The following PITX3 variants were observed in gnomAD, a reference collection of about 807,000 sequenced individuals.
PITX3 encodes the protein pituitary homeobox 3.
In PITX3, 4 loss-of-function variants were observed where a neutral mutation model predicts 14.2. That is an observed-to-expected ratio of 0.28 (90% CI 0.14 to 0.65). PITX3 has a LOEUF of 0.65. Among genes scored for constraint, PITX3 ranks in the 30% least tolerant of loss-of-function variants. The pLI, the probability that PITX3 is intolerant of heterozygous loss-of-function variation, is 0.82. For synonymous variants in PITX3, 194 were observed against 204.5 expected, an observed-to-expected ratio of 0.95 and a Z score of 0.44; for missense variants, 358 against 426.8, an observed-to-expected ratio of 0.84 and a Z score of 1.42.
chr10:102,237,433 C>T (rs142836049), intron 1 of PITX3, among the ~76,000 whole-genome samples: 1 of 152,012 alleles, frequency 6.6e-6, no homozygotes, highest in East Asian at 1.9e-4. Flanking sequence ...GTGTAGGCCA[C>T]GGGAGATCTG....
At position 102,230,852 on chromosome 10, in the gene PITX3, G is replaced by A; in HGVS notation, c.571C>T (p.Pro191Ser). 6.3e-7 allele frequency: 1 copy of A among 1,595,976 alleles called. No individual in the cohort carries two copies. The highest frequency in any genetic ancestry group is 1.1e-5 in the South Asian group (1 of 88,700). ...PLASQPVFSP[P>S]SSIAASMVPS... Reference sequence around the variant, plus strand: ...ACCATGGAGGCGGCGATGGAGCTGGGTGGCGAGAAGACGGGCTGCGAAGCC... The same window carrying A: ...ACCATGGAGGCGGCGATGGAGCTGGATGGCGAGAAGACGGGCTGCGAAGCC... The change falls in exon 4 of 4, where the codon CCC becomes TCC. Residue 191 changes from proline (P) to serine (S), a missense_variant. This residue lies in a region of PITX3 where 236 missense variants were observed against 250.2 expected (regional missense o/e 0.94). Transcript: ENST00000370002.
intron 1 of PITX3, among the ~76,000 whole-genome samples, chr10:102,238,503 G>A (rs2070458979): frequency 1.3e-5 from 2 of 152,204 alleles, no homozygotes; most frequent in African/African-American, 2.4e-5. Context: ...TGAAGTCCAC[G>A]ATAGGGTGGC....
Position 102,241,185 on chromosome 10 carries a change from C to T in PITX3, c.-13+148G>A, listed in dbSNP as rs1017537974. The T allele has an allele frequency of 6.5e-6, 1 of 152,744 alleles. No individual in the cohort carries two copies. Among genetic ancestry groups the T allele is most frequent in the Non-Finnish European group, 1.5e-5 (1 of 68,412 alleles). 9.5% of individuals were successfully genotyped at this position (152,744 alleles called of 1,614,324 possible). On this transcript the variant is annotated intron_variant, in intron 1 of 3. Coordinates refer to ENST00000370002, the MANE Select transcript of PITX3 (RefSeq NM_005029.4). This position sits in a 1 kb window ranked among gnomAD's most constrained non-coding sequence, Gnocchi z 6.7. ...AGTTTCCCTTTTCCCAAGTCCTGGC[C>T]CCAGGTCTGCAGTCCGCCCTCCCAT...
rs2070198464 is a variant in PITX3, at chr10:102,230,303, G to T, written c.*211C>A. The T allele has an allele frequency of 4.8e-6, 3 of 622,782 alleles. No individual in the cohort carries two copies. Among genetic ancestry groups the T allele is most frequent in the Admixed American group, 3.5e-5 (1 of 28,284 alleles). 38.6% of individuals were successfully genotyped at this position (622,782 alleles called of 1,614,324 possible). Reference sequence around the variant, plus strand: ...CCCGGGGAGCTGGTCCCTGTTCCTGGCTTTAGTCCCAGGGGCGCGGTCTGT... The same window carrying T: ...CCCGGGGAGCTGGTCCCTGTTCCTGTCTTTAGTCCCAGGGGCGCGGTCTGT... On this transcript the variant is annotated 3_prime_UTR_variant, in exon 4 of 4. Transcript: ENST00000370002.
At chr10:102,240,600 C>T (rs1480056663) in intron 1 of PITX3, among the ~76,000 whole-genome samples, 1 of 152,252 alleles carries the variant, frequency 6.6e-6, no homozygotes, top group Non-Finnish European at 1.5e-5. Context: ...CCAGACACAA[C>T]TCCCGCTCCG....
At position 102,230,268 on chromosome 10, in the gene PITX3, T is replaced by G; in HGVS notation, c.*246A>C. ...TGGAGAAGGCGGGATGGGCCAAGGG[T>G]GAGTTGGCCCCCGGGGAGCTGGTCC... On this transcript the variant is annotated 3_prime_UTR_variant, in exon 4 of 4. Coordinates refer to ENST00000370002, the MANE Select transcript of PITX3 (RefSeq NM_005029.4). The G allele has an allele frequency of 4.0e-6, 2 of 493,922 alleles. No individual in the cohort carries two copies. The highest frequency in any genetic ancestry group is 7.0e-5 in the South Asian group (2 of 28,512). The allele number at this position is 493,922 out of a possible 1,614,324, so 30.6% of individuals were successfully genotyped here.
chr10:102,237,564 C>T (rs745728005), intron 1 of PITX3, among the ~76,000 whole-genome samples: 38 of 152,182 alleles, frequency 2.5e-4, no homozygotes, highest in Non-Finnish European at 5.0e-4. Context: ...CTAAGATTCA[C>T]ACTGAGCAAC....
Position 102,230,861 on chromosome 10 carries a change from A to G in PITX3, c.562T>C (p.Phe188Leu). The change falls in exon 4 of 4, where the codon TTC becomes CTC. Residue 188 changes from phenylalanine (F) to leucine (L), a missense_variant. Around this residue, in one of 3 missense-constraint regions of PITX3, gnomAD observed 236 missense variants for 250.2 expected, o/e 0.94. Transcript: ENST00000370002. ...GCGGCGATGGAGCTGGGTGGCGAGA[A>G]GACGGGCTGCGAAGCCAGAGGCCCC... The part of the protein sequence containing the change: ...NVGPLASQPV[F>L]SPPSSIAASM... 6.2e-7 allele frequency: 1 copy of G among 1,601,234 alleles called. No homozygotes were observed.
intron 1 of PITX3, among the ~76,000 whole-genome samples, chr10:102,240,389 C>T (rs2070502586): frequency 1.3e-5 from 2 of 152,354 alleles, no homozygotes; most frequent in Non-Finnish European, 1.5e-5. Context: ...GCCCACCTCA[C>T]CCCAAGGCCA....
chr10:102,231,517 G>A lies in PITX3; in HGVS notation c.321+71C>T, dbSNP rs527983981. 2,771 of 1,040,376 alleles carry A rather than the reference G, an allele frequency of 2.7e-3. 6 individuals are homozygous for A. The highest frequency in any genetic ancestry group is 3.4e-3 in the Non-Finnish European group (2,413 of 700,140). The allele number at this position is 1,040,376 out of a possible 1,614,324, so 64.4% of individuals were successfully genotyped here. A position where few individuals can be genotyped will look rare whatever the true frequency, so the allele number is the denominator to read the frequency against. ...GGGAGGGGGCAGGTGGGGTGGAACC[G>A]CTGGCCTCCGGGTCGCAGGCTGAGC... On this transcript the variant is annotated intron_variant, in intron 3 of 3. Transcript: ENST00000370002.
In PITX3 at chr10:102,230,450, C is replaced by T. The variant is rs2070200666; in HGVS notation, c.*64G>A. ...GCGGGAGCAAGCCAGTCAAAATGAC[C>T]CCAGTCCGCGGAGGCTGTGAATCGT... On this transcript the variant is annotated 3_prime_UTR_variant, in exon 4 of 4. Coordinates refer to ENST00000370002, the MANE Select transcript of PITX3 (RefSeq NM_005029.4). 2 of 1,547,682 alleles carry T rather than the reference C, an allele frequency of 1.3e-6. No individual in the cohort carries two copies. The highest frequency in any genetic ancestry group is 1.7e-6 in the Non-Finnish European group (2 of 1,143,954).
At chr10:102,233,632 T>A (rs2070312590) in intron 1 of PITX3, among the ~76,000 whole-genome samples, 1 of 152,056 alleles carries the variant, frequency 6.6e-6, no homozygotes, top group Admixed American at 6.6e-5. Flanking sequence ...TGAAGAGATT[T>A]CATTTGAAAG....
At position 102,241,264 on chromosome 10, in the gene PITX3, G is replaced by A. The variant is rs2070529394; in HGVS notation, c.-13+69C>T. ...TCAGCTGCCCCAGGTCTCGTTTTAG[G>A]GATTCCAAGGTCCAGCAATAGCTCC... On this transcript the variant is annotated intron_variant, in intron 1 of 3. Transcript: ENST00000370002. This position sits in a 1 kb window ranked among gnomAD's most constrained non-coding sequence, Gnocchi z 6.7. 1 of 152,858 alleles carries A rather than the reference G, an allele frequency of 6.5e-6. No individual in the cohort carries two copies. Among genetic ancestry groups the A allele is most frequent in the Non-Finnish European group, 1.5e-5 (1 of 68,580 alleles). 9.5% of individuals were successfully genotyped at this position (152,858 alleles called of 1,614,324 possible).
chr10:102,240,546 T>C (rs951557645), intron 1 of PITX3, among the ~76,000 whole-genome samples: 2 of 152,200 alleles, frequency 1.3e-5, no homozygotes, highest in Non-Finnish European at 2.9e-5. Context: ...CGCTGCTGGG[T>C]AGACGGACAT....
At position 102,230,519 on chromosome 10, in the gene PITX3, C is replaced by A; in HGVS notation, c.904G>T (p.Val302Leu). The A allele has an allele frequency of 6.2e-7, 1 of 1,607,876 alleles. No homozygotes were observed. The highest frequency in any genetic ancestry group is 2.2e-5 in the East Asian group (1 of 44,642). The stretch of plus-strand genomic sequence containing the variant: ...TGATCTACGGGCGGGGCCGCTCATA[C>A]GGGCCTTTCCACGGCGTACTGGCAC... ...SPCQYAVERP[V>L] Residue 302 changes from valine to leucine, a missense_variant, in exon 4 of 4, where the codon GTA (valine) becomes TTA (leucine). Physicochemically the swap from Val to Leu is conservative, Grantham distance 32. This residue lies in a region of PITX3 where 236 missense variants were observed against 250.2 expected (regional missense o/e 0.94). Transcript: ENST00000370002.
intron 2 of PITX3, 29 bp from the exon 3 acceptor site, chr10:102,231,819 G>C (rs2070248529): frequency 1.9e-6 from 3 of 1,592,418 alleles, no homozygotes; most frequent in Non-Finnish European, 2.6e-6. Flanking sequence ...GCAGGTCACA[G>C]AGCGCCCAAG....
At chr10:102,237,209 G>A (rs750899849) in intron 1 of PITX3, among the ~76,000 whole-genome samples, 5 of 152,060 alleles carry the variant, frequency 3.3e-5, no homozygotes, top group Admixed American at 6.5e-5. Context: ...AAGATGGACC[G>A]CATGGGTCTG....
chr10:102,240,678 C>T (rs2070510877), intron 1 of PITX3, among the ~76,000 whole-genome samples: 1 of 152,228 alleles, frequency 6.6e-6, no homozygotes, highest in Non-Finnish European at 1.5e-5. Flanking sequence ...ACATTCTGTC[C>T]GATTCTGAGG....
rs2070258365 is a variant in PITX3, at chr10:102,232,010, G to C, written c.71C>G (p.Pro24Arg). The C allele has an allele frequency of 6.2e-7, 1 of 1,610,018 alleles. No homozygotes were observed. The change falls in exon 2 of 4, where the codon CCG (proline) becomes CGG (arginine). Residue 24 changes from proline (P) to arginine (R), a missense_variant. Physicochemically the swap from Pro to Arg is moderately radical, Grantham distance 103. This residue lies in a region of PITX3 where 72 missense variants were observed against 79.9 expected (regional missense o/e 0.90). Transcript: ENST00000370002. ...GCCGTGCTCTGGGAGCTGGGGGTGC[G>C]GAGTGCCAGCGTCTGACAGCGACAG... ...PALSLSDAGTPHPQLPEHGCK... is the reference protein window; with the variant it reads ...PALSLSDAGTRHPQLPEHGCK...
Sources: allele counts gnomAD v4.1 joint callset (sites outside exome capture counted in the v4.1 genomes callset), GRCh38; gene constraint gnomAD v4.1.1; regional missense constraint gnomAD v4.1.1; non-coding constraint Gnocchi (gnomAD v3.1); transcripts MANE v1.5; gene names NCBI Gene and HGNC (gene_info 2026-07-23, HGNC 2026-07-21).